Variants in MAF observed in about 807,000 individuals in gnomAD.
The protein encoded by MAF is MAF bZIP transcription factor.
In MAF, 10 loss-of-function variants were observed where a neutral mutation model predicts 22.0. The observed-to-expected ratio is 0.45, with a 90% CI of 0.28 to 0.77. MAF has a LOEUF of 0.77. Ranked by LOEUF, MAF falls within the 30% of genes least tolerant of loss-of-function variation. The pLI is 0.12. For synonymous variants in MAF, 337 were observed against 255.8 expected (o/e 1.32, Z -3.03); for missense variants, 544 against 548.4 (o/e 0.99, Z 0.08).
chr16:79,370,231 C>G, the MAF span, among the ~76,000 whole-genome samples: 3 of 152,122 alleles, frequency 2.0e-5, no homozygotes, highest in Admixed American at 2.0e-4. Flanking sequence ...AAATGACATT[C>G]AAAGGTAATT....
chr16:79,246,141 G>A, the MAF span, among the ~76,000 whole-genome samples: 71 of 152,148 alleles, frequency 4.7e-4, no homozygotes, highest in East Asian at 0.013. Context: ...AACCACCATG[G>A]CACGTGTATA....
the MAF span, among the ~76,000 whole-genome samples, chr16:79,280,249 A>T: frequency 6.6e-6 from 1 of 152,208 alleles, no homozygotes; most frequent in Non-Finnish European, 1.5e-5. Context: ...TTTTTTGATA[A>T]ATCCAGTTTT....
chr16:79,412,577 C>T, the MAF span, among the ~76,000 whole-genome samples: 1 of 152,198 alleles, frequency 6.6e-6, no homozygotes, highest in Non-Finnish European at 1.5e-5. Flanking sequence ...TTGGCCTTCA[C>T]CCTTTTGGCC....
chr16:79,541,385 T>A, the MAF span, among the ~76,000 whole-genome samples: 1 of 152,064 alleles, frequency 6.6e-6, no homozygotes, highest in African/African-American at 2.4e-5. Context: ...AAACCCTTGT[T>A]GAGTGAGGCA....
At chr16:79,502,696 AATATAAATATAAATATATATAT>A in the MAF span, among the ~76,000 whole-genome samples, 17 of 19,244 alleles carry the variant, frequency 8.8e-4, no homozygotes, top group African/African-American at 2.3e-3. Flanking sequence ...TATAAATATA[AATATAAATATAAATATATATAT>A]ATATATATAT....
At chr16:79,519,435 G>A in the MAF span, among the ~76,000 whole-genome samples, 45 of 152,336 alleles carry the variant, frequency 3.0e-4, no homozygotes, top group East Asian at 8.5e-3. Flanking sequence ...GCTACGGGGA[G>A]TCTCTAACCC....
At chr16:79,486,656 G>T in the MAF span, among the ~76,000 whole-genome samples, 1 of 152,072 alleles carries the variant, frequency 6.6e-6, no homozygotes, top group African/African-American at 2.4e-5. Flanking sequence ...TGCCTTTAAT[G>T]TGCTAATTAA....
At chr16:79,549,750 T>G in the MAF span, among the ~76,000 whole-genome samples, 1 of 152,160 alleles carries the variant, frequency 6.6e-6, no homozygotes, top group South Asian at 2.1e-4. Context: ...CTCCTCCTCC[T>G]AGCAGTCCTG....
chr16:79,582,030 T>A (rs952181386), downstream of MAF, among the ~76,000 whole-genome samples: 6 of 152,208 alleles, frequency 3.9e-5, no homozygotes, highest in Non-Finnish European at 8.8e-5. Context: ...AGAGGCGTGC[T>A]GAATTTTCCC....
the MAF span, among the ~76,000 whole-genome samples, chr16:79,349,093 G>A: frequency 6.6e-6 from 1 of 152,228 alleles, no homozygotes; most frequent in South Asian, 2.1e-4. Flanking sequence ...TGCAACAGGT[G>A]TTTGCTAATT....
At chr16:79,261,317 T>C in the MAF span, among the ~76,000 whole-genome samples, 121 of 150,208 alleles carry the variant, frequency 8.1e-4, no homozygotes, top group Admixed American at 1.9e-3. Flanking sequence ...CACGCCCAAC[T>C]AATTTTTGTA....
the MAF span, among the ~76,000 whole-genome samples, chr16:79,551,749 G>C: frequency 6.6e-6 from 1 of 152,100 alleles, no homozygotes; most frequent in Non-Finnish European, 1.5e-5. Flanking sequence ...AAATTTTAGC[G>C]TCCATAAATA....
At chr16:79,580,108 C>A in the MAF span, among the ~76,000 whole-genome samples, 1,497 of 152,256 alleles carry the variant, frequency 9.8e-3, 20 homozygotes, top group African/African-American at 0.034. Flanking sequence ...TGTCAAACCT[C>A]CCACTCTCAG....
chr16:79,204,368 C>G, the MAF span: 2 of 152,204 alleles, frequency 1.3e-5, no homozygotes, highest in East Asian at 1.9e-4. Context: ...TGTAATGACC[C>G]ACATGGATTG....
At chr16:79,230,622 G>A in the MAF span, among the ~76,000 whole-genome samples, 1 of 152,102 alleles carries the variant, frequency 6.6e-6, no homozygotes, top group Non-Finnish European at 1.5e-5. Context: ...AAGTTGACCT[G>A]AAAATGCATA....
At chr16:79,559,911 T>C in the MAF span, among the ~76,000 whole-genome samples, 1 of 152,176 alleles carries the variant, frequency 6.6e-6, no homozygotes, top group Non-Finnish European at 1.5e-5. Flanking sequence ...TATATCTATG[T>C]CACCTTTTTT....
At chr16:79,372,628 G>A in the MAF span, among the ~76,000 whole-genome samples, 2 of 152,180 alleles carry the variant, frequency 1.3e-5, no homozygotes, top group Non-Finnish European at 2.9e-5. Flanking sequence ...GGCAGGCTGC[G>A]GTCTGGCGGG....
At chr16:79,526,540 T>A in the MAF span, among the ~76,000 whole-genome samples, 1 of 152,216 alleles carries the variant, frequency 6.6e-6, no homozygotes, top group Non-Finnish European at 1.5e-5. Context: ...TGCATAGACA[T>A]GTCTCCCTGA....
chr16:79,377,813 G>T, the MAF span, among the ~76,000 whole-genome samples: 1 of 152,098 alleles, frequency 6.6e-6, no homozygotes, highest in Non-Finnish European at 1.5e-5. Flanking sequence ...GTTTTTGTCA[G>T]GTTTGTCAAA....
Sources: allele counts gnomAD v4.1 joint callset (sites outside exome capture counted in the v4.1 genomes callset), GRCh38; gene constraint gnomAD v4.1.1; transcripts MANE v1.5; gene names NCBI Gene and HGNC (gene_info 2026-07-23, HGNC 2026-07-21).